The following PDS5A variants were observed in gnomAD, a reference collection of about 807,000 sequenced individuals.
PDS5A encodes the protein sister chromatid cohesion protein PDS5 homolog A.
A neutral mutation model predicts 167.1 loss-of-function variants in PDS5A; 42 were observed. The ratio of observed to expected loss-of-function variants is 0.25; its 90% confidence interval spans 0.20 to 0.33. The LOEUF is 0.33. Among genes scored for constraint, PDS5A ranks in the 10% least tolerant of loss-of-function variants. PDS5A has a pLI of 1.00. For synonymous variants in PDS5A, 553 were observed against 554.6 expected (o/e 1.00, Z 0.04); for missense variants, 1,033 against 1,605.9 (o/e 0.64, Z 6.10).
At chr4:39,854,053 G>C (rs1304724062) in intron 26 of PDS5A, among the ~76,000 whole-genome samples, 1 of 152,200 alleles carries the variant, frequency 6.6e-6, no homozygotes, top group African/African-American at 2.4e-5. Context: ...TGTAATCCCA[G>C]CACTTTGGGA....
chr4:39,975,174 G>C (rs1161818600), intron 2 of PDS5A, among the ~76,000 whole-genome samples: 3 of 151,896 alleles, frequency 2.0e-5, no homozygotes, highest in South Asian at 2.1e-4. Context: ...AGCTACTTGG[G>C]AGGCTGAGGC....
At chr4:39,826,277 C>T (rs566146845) in intron 32 of PDS5A, among the ~76,000 whole-genome samples, 1 of 151,512 alleles carries the variant, frequency 6.6e-6, no homozygotes, top group South Asian at 2.1e-4. Flanking sequence ...TCTTTCTCAC[C>T]TCCTCTCACC....
chr4:39,834,024 G>A (rs564665173), intron 32 of PDS5A, among the ~76,000 whole-genome samples: 2 of 152,080 alleles, frequency 1.3e-5, no homozygotes, highest in Non-Finnish European at 2.9e-5. Context: ...CTGAAACATG[G>A]CTTTACCAGT....
At chr4:39,875,807 T>C (rs1410257176) in intron 19 of PDS5A, among the ~76,000 whole-genome samples, 1 of 152,190 alleles carries the variant, frequency 6.6e-6, no homozygotes, top group Non-Finnish European at 1.5e-5. Flanking sequence ...TGAGATTTCT[T>C]ATAACACTGG....
At position 39,920,326 on chromosome 4, in the gene PDS5A, A is replaced by T; in HGVS notation, c.728T>A (p.Ile243Asn). The change falls in exon 7 of 33, where the codon ATT becomes AAT. Residue 243 changes from isoleucine (I) to asparagine (N), a missense_variant. By Grantham distance (149) the Ile-to-Asn change is moderately radical. Around this residue, in one of 4 missense-constraint regions of PDS5A, gnomAD observed 388 missense variants for 615.1 expected, o/e 0.63. Coordinates refer to ENST00000303538, the MANE Select transcript of PDS5A (RefSeq NM_001100399.2). ...ATAGAAAGAAATACATACATTAGCA[A>T]TGCATGCCTCAATAGTCTGGACTGT... ...KRTVQTIEAC[I>N]ANFFNQVLVL... The T allele has an allele frequency of 7.0e-7, 1 of 1,426,226 alleles. No homozygotes were observed. The allele number at this position is 1,426,226 out of a possible 1,614,324, so 88.3% of individuals were successfully genotyped here. A position where few individuals can be genotyped will look rare whatever the true frequency, so the allele number is the denominator to read the frequency against.
Position 39,876,952 on chromosome 4 carries a change from A to G in PDS5A, c.2153+41T>C, listed in dbSNP as rs1356772496. The G allele has an allele frequency of 7.5e-6, 11 of 1,465,832 alleles. No homozygotes were observed. The South Asian group carries it at 1.0e-4, about 13-fold the overall frequency. 90.8% of individuals were successfully genotyped at this position (1,465,832 alleles called of 1,614,324 possible). A position where few individuals can be genotyped will look rare whatever the true frequency, so the allele number is the denominator to read the frequency against. ...CAATGATTTTATGGTTCCCATACTT[A>G]GAAACTTTTGTATTTACCACGGGAG... On this transcript the variant is annotated intron_variant, in intron 19 of 32. Transcript: ENST00000303538.
intron 2 of PDS5A, among the ~76,000 whole-genome samples, chr4:39,963,044 C>T (rs1459984607): frequency 6.6e-6 from 1 of 152,022 alleles, no homozygotes; most frequent in African/African-American, 2.4e-5. Flanking sequence ...ATCAGGCCGA[C>T]CTGGTGGCTC....
At chr4:39,931,052 A>G (rs1189259278) in intron 2 of PDS5A, among the ~76,000 whole-genome samples, 1 of 152,190 alleles carries the variant, frequency 6.6e-6, no homozygotes, top group East Asian at 1.9e-4. Flanking sequence ...TCACACCTGT[A>G]ATCCCAGCAC....
In PDS5A at chr4:39,971,146, G is replaced by A. The variant is rs916241330; in HGVS notation, c.138+5294C>T. ...ATTCCTTTGTAATTGCCTTTAAGAT[G>A]TTTTTTGTTTTGTTTTGTTTGTTTG... On this transcript the variant is annotated intron_variant, in intron 2 of 32. Coordinates refer to ENST00000303538, the MANE Select transcript of PDS5A (RefSeq NM_001100399.2). Among the ~76,000 whole-genome samples, 18 of 150,904 alleles carry A rather than the reference G, an allele frequency of 1.2e-4. 1 individual carries two copies. The highest frequency in any genetic ancestry group is 4.4e-4 in the African/African-American group (18 of 41,006).
intron 2 of PDS5A, among the ~76,000 whole-genome samples, chr4:39,949,779 C>T (rs1728155703): frequency 7.5e-6 from 1 of 132,666 alleles, no homozygotes. Flanking sequence ...TGCATTGCAC[C>T]ACTGCACTCC....
chr4:39,834,444 T>C (rs1716206730), intron 32 of PDS5A, among the ~76,000 whole-genome samples: 1 of 152,222 alleles, frequency 6.6e-6, no homozygotes, highest in Admixed American at 6.5e-5. Context: ...ATGTTCTCGC[T>C]CATTCCTCTC....
intron 26 of PDS5A, among the ~76,000 whole-genome samples, chr4:39,854,281 C>T (rs781422738): frequency 5.3e-5 from 8 of 151,882 alleles, no homozygotes; most frequent in Non-Finnish European, 8.8e-5. Context: ...CCAACTTGGG[C>T]GACAGAACGA....
chr4:39,959,387 T>C (rs1729271304), intron 2 of PDS5A, among the ~76,000 whole-genome samples: 1 of 152,172 alleles, frequency 6.6e-6, no homozygotes, highest in African/African-American at 2.4e-5. Flanking sequence ...GGTATCTCAC[T>C]GTCGTCTAGG....
At chr4:39,904,593 A>G (rs1723159036) in intron 11 of PDS5A, among the ~76,000 whole-genome samples, 2 of 152,294 alleles carry the variant, frequency 1.3e-5, no homozygotes, top group South Asian at 4.1e-4. Context: ...CGGCCCCCCA[A>G]AGTGCTGGGA....
chr4:39,827,323 A>G (rs773767884), intron 32 of PDS5A, among the ~76,000 whole-genome samples: 1 of 152,118 alleles, frequency 6.6e-6, no homozygotes, highest in South Asian at 2.1e-4. Context: ...GCTGCCTGCT[A>G]CACCTTCAGG....
chr4:39,924,890 T>C (rs771889775), intron 5 of PDS5A, among the ~76,000 whole-genome samples: 1 of 152,138 alleles, frequency 6.6e-6, no homozygotes, highest in African/African-American at 2.4e-5. Flanking sequence ...GGTGGGTGGA[T>C]CACTTGAGGT....
At chr4:39,931,276 T>C (rs1235955762) in intron 2 of PDS5A, among the ~76,000 whole-genome samples, 1 of 152,102 alleles carries the variant, frequency 6.6e-6, no homozygotes, top group Non-Finnish European at 1.5e-5. Context: ...TTTTTTTTTT[T>C]GTAGGATGGG....
chr4:39,930,246 A>AATTTTTTTT, intron 2 of PDS5A, among the ~76,000 whole-genome samples: 2 of 93,088 alleles, frequency 2.1e-5, no homozygotes, highest in Admixed American at 1.1e-4. Flanking sequence ...AAAAAAAAAA[A>AATTTTTTTT]GTTTTTTTGT....
intron 18 of PDS5A, among the ~76,000 whole-genome samples, chr4:39,878,333 C>G (rs1578655169): frequency 6.6e-6 from 1 of 152,084 alleles, no homozygotes; most frequent in African/African-American, 2.4e-5. Flanking sequence ...CGGTGGCTCA[C>G]GTCTGTAATC....
Sources: allele counts gnomAD v4.1 joint callset (sites outside exome capture counted in the v4.1 genomes callset), GRCh38; gene constraint gnomAD v4.1.1; regional missense constraint gnomAD v4.1.1; transcripts MANE v1.5; gene names NCBI Gene and HGNC (gene_info 2026-07-23, HGNC 2026-07-21).